SLC39A14: variants seen among roughly 807,000 people sequenced by gnomAD.
The protein encoded by SLC39A14 is metal cation symporter ZIP14.
In SLC39A14, 19 loss-of-function variants were observed where a neutral mutation model predicts 45.5. That is an observed-to-expected ratio of 0.42 (90% CI 0.29 to 0.61). The LOEUF is 0.61. Among genes scored for constraint, SLC39A14 ranks in the 20% least tolerant of loss-of-function variants. The pLI is 0.22. For missense variants in SLC39A14, 447 were observed against 616.5 expected, an observed-to-expected ratio of 0.73 and a Z score of 2.91; for synonymous variants, 264 against 251.3, an observed-to-expected ratio of 1.05 and a Z score of -0.48.
At chr8:22,384,460 C>A (rs1453344933) in intron 1 of SLC39A14, among the ~76,000 whole-genome samples, 2 of 149,614 alleles carry the variant, frequency 1.3e-5, no homozygotes, top group Admixed American at 6.6e-5. Context: ...AAAAAAAAAA[C>A]AACTCTGGCG....
chr8:22,395,521 T>C (rs531392888), intron 1 of SLC39A14, among the ~76,000 whole-genome samples: 1 of 152,334 alleles, frequency 6.6e-6, no homozygotes, highest in African/African-American at 2.4e-5. Context: ...CAAAGTCTGA[T>C]TGCAAAAATT....
At chr8:22,425,650 C>A (rs1322200003), downstream of SLC39A14, among the ~76,000 whole-genome samples, 1 of 151,668 alleles carries the variant, frequency 6.6e-6, no homozygotes, top group Non-Finnish European at 1.5e-5. Flanking sequence ...AGTTGTATTT[C>A]TTTTCAGCAG....
intron 1 of SLC39A14, among the ~76,000 whole-genome samples, chr8:22,372,427 A>G (rs1832986504): frequency 6.6e-6 from 1 of 152,186 alleles, no homozygotes. Context: ...ATTCTCTGTC[A>G]TAGCTGTGTA....
At chr8:22,423,267 C>G (rs1483816786), downstream of SLC39A14, among the ~76,000 whole-genome samples, 3 of 152,104 alleles carry the variant, frequency 2.0e-5, no homozygotes, top group East Asian at 1.9e-4. Flanking sequence ...CCTCAGCTTC[C>G]TAAGTAGCTT....
chr8:22,373,439 G>C (rs1833040653), intron 1 of SLC39A14, among the ~76,000 whole-genome samples: 1 of 152,020 alleles, frequency 6.6e-6, no homozygotes. Context: ...TAAGAAGTCA[G>C]TTAAAAGTTC....
At position 22,386,267 on chromosome 8, in the gene SLC39A14, CTTTTTTT is replaced by C. The variant is rs113517662; in HGVS notation, c.-15-18418_-15-18412del. 3.0e-5 allele frequency among the ~76,000 whole-genome samples: 4 copies of C among 131,988 alleles called. No homozygotes were observed. In the East Asian group the frequency reaches 6.8e-4, roughly 23 times the overall value. 86.6% of individuals were successfully genotyped at this position (131,988 alleles called of 152,430 possible). On this transcript the variant is annotated intron_variant, in intron 1 of 8. Transcript: ENST00000381237. ...ACGAATATGTACTTTAGAAGGATGA[CTTTTTTT>C]TTTTTTTTTTGAAATGGAGTTTTGC...
In SLC39A14 at chr8:22,420,433, C is replaced by T. The variant is rs554727325; in HGVS notation, c.*735C>T. Reference sequence around the variant, plus strand: ...AACGTGGCGGTGTGGCTGCCTGGACCTCCTCTTTCAGGTTAACGCTGACAG... The same window carrying T: ...AACGTGGCGGTGTGGCTGCCTGGACTTCCTCTTTCAGGTTAACGCTGACAG... On this transcript the variant is annotated 3_prime_UTR_variant, in exon 9 of 9. Transcript: ENST00000381237. 5 of 985,434 alleles carry T rather than the reference C, an allele frequency of 5.1e-6. No homozygotes were observed. The African/African-American group carries it at 8.7e-5, about 17-fold the overall frequency. The allele number at this position is 985,434 out of a possible 1,614,324, so 61.0% of individuals were successfully genotyped here. A position where few individuals can be genotyped will look rare whatever the true frequency, so the allele number is the denominator to read the frequency against.
chr8:22,383,744 C>T (rs144903249), intron 1 of SLC39A14, among the ~76,000 whole-genome samples: 4 of 152,276 alleles, frequency 2.6e-5, no homozygotes, highest in African/African-American at 7.2e-5. Context: ...TCACTGAGGG[C>T]GCGTCCTGTG....
rs1836297554 is a variant in SLC39A14, at chr8:22,422,720, T to TAATG, written c.*3025_*3028dup. ...TGATCATTTGCAATAAATGTGGATG[T>TAATG]AATGAAGGCTGTTGAACACAAGGTG... On this transcript the variant is annotated 3_prime_UTR_variant, in exon 9 of 9. Transcript: ENST00000381237. 2.0e-6 allele frequency: 2 copies of TAATG among 985,102 alleles called. No homozygotes were observed. Among genetic ancestry groups the TAATG allele is most frequent in the African/African-American group, 3.5e-5 (2 of 57,242 alleles). The allele number at this position is 985,102 out of a possible 1,614,324, so 61.0% of individuals were successfully genotyped here.
At position 22,396,709 on chromosome 8, in the gene SLC39A14, G is replaced by GTT. The variant is rs112051827; in HGVS notation, c.-15-7977_-15-7976dup. Among the ~76,000 whole-genome samples the GTT allele has an allele frequency of 4.9e-3, 716 of 144,788 alleles. 4 individuals are homozygous for GTT. The highest frequency in any genetic ancestry group is 8.0e-3 in the Non-Finnish European group (528 of 65,954). The allele number at this position is 144,788 out of a possible 152,430, so 95.0% of individuals were successfully genotyped here. A position where few individuals can be genotyped will look rare whatever the true frequency, so the allele number is the denominator to read the frequency against. On this transcript the variant is annotated intron_variant, in intron 1 of 8. Coordinates refer to ENST00000381237, the MANE Select transcript of SLC39A14 (RefSeq NM_001128431.4). ...CCATTGTTTTTGGTCCAGGTGCACCGTTTTTTTTTTTGCTCTTCCCCGGTA... is the reference window on the plus strand; with the variant it reads ...CCATTGTTTTTGGTCCAGGTGCACCGTTTTTTTTTTTTTGCTCTTCCCCGGTA...
At chr8:22,427,098 G>C (rs1017120478), downstream of SLC39A14, among the ~76,000 whole-genome samples, 1 of 151,910 alleles carries the variant, frequency 6.6e-6, no homozygotes, top group Non-Finnish European at 1.5e-5. Flanking sequence ...TTTGAGACCA[G>C]CCTGGCCAAC....
intron 8 of SLC39A14, among the ~76,000 whole-genome samples, chr8:22,431,326 A>G (rs1836463917): frequency 6.6e-6 from 1 of 152,172 alleles, no homozygotes; most frequent in Admixed American, 6.6e-5. Context: ...ATTATACATT[A>G]TAATATACCT....
Position 22,416,169 on chromosome 8 carries a change from C to G in SLC39A14, c.1036C>G (p.Leu346Val). 6.2e-7 allele frequency: 1 copy of G among 1,614,118 alleles called. No individual in the cohort carries two copies. Among genetic ancestry groups the G allele is most frequent in the East Asian group, 2.2e-5 (1 of 44,878 alleles). The change falls in exon 7 of 9, where the codon CTC (leucine) becomes GTC (valine). Residue 346 changes from leucine to valine, a missense_variant. Physicochemically the swap from Leu to Val is conservative, Grantham distance 32. Coordinates refer to ENST00000381237, the MANE Select transcript of SLC39A14 (RefSeq NM_001128431.4). The part of the protein sequence containing the change: ...LAWMITLSDG[L>V]HNFIDGLAIG... The stretch of plus-strand genomic sequence containing the variant: ...CTGGATGATCACTCTGAGCGACGGC[C>G]TCCATAATTTCATCGATGGCCTGGC...
chr8:22,393,378 C>A, intron 1 of SLC39A14: 1 of 311,436 alleles, frequency 3.2e-6, no homozygotes, highest in Non-Finnish European at 4.7e-6. Flanking sequence ...CCTAGGTCAG[C>A]TTGTCTGAGG....
In SLC39A14 at chr8:22,375,026, G is replaced by A. The variant is rs918277908; in HGVS notation, c.-16+7618G>A. ...CTCCCAGAGTGCTGGGATTACAGGCGTGAGCCACCGCGCCTGGCCAGCCTG... is the reference window on the plus strand; with the variant it reads ...CTCCCAGAGTGCTGGGATTACAGGCATGAGCCACCGCGCCTGGCCAGCCTG... On this transcript the variant is annotated intron_variant, in intron 1 of 8. Transcript: ENST00000381237. Among the ~76,000 whole-genome samples the A allele has an allele frequency of 3.3e-5, 5 of 151,980 alleles. No individual in the cohort carries two copies. In the South Asian group the frequency reaches 8.3e-4, roughly 25 times the overall value.
chr8:22,404,470 T>C, intron 1 of SLC39A14: 1 of 345,416 alleles, frequency 2.9e-6, no homozygotes. Flanking sequence ...TTGTTTTTTT[T>C]TTTTTCATTT....
chr8:22,428,135 GA>G (rs1836414922), intron 8 of SLC39A14, among the ~76,000 whole-genome samples: 1 of 151,896 alleles, frequency 6.6e-6, no homozygotes, highest in African/African-American at 2.4e-5. Context: ...CCCTGTCTAC[GA>G]AAAATACAAA....
intron 1 of SLC39A14, among the ~76,000 whole-genome samples, chr8:22,381,993 T>C (rs1833539341): frequency 6.6e-6 from 1 of 151,846 alleles, no homozygotes; most frequent in South Asian, 2.1e-4. Context: ...ATACAAAAAT[T>C]AGCCAGGTGT....
Position 22,421,951 on chromosome 8 carries a change from T to G in SLC39A14, c.*2253T>G, listed in dbSNP as rs1434522999. On this transcript the variant is annotated 3_prime_UTR_variant, in exon 9 of 9. Transcript: ENST00000381237. ...AGGGAAATCCTCTTTAAACCGTAGT[T>G]GGCGCAGAGGTCAGTCCTAGTCGGA... 3.0e-6 allele frequency: 3 copies of G among 985,322 alleles called. No individual in the cohort carries two copies. The African/African-American group carries it at 5.2e-5, about 17-fold the overall frequency. 61.0% of individuals were successfully genotyped at this position (985,322 alleles called of 1,614,324 possible).
Sources: allele counts gnomAD v4.1 joint callset (sites outside exome capture counted in the v4.1 genomes callset), GRCh38; gene constraint gnomAD v4.1.1; transcripts MANE v1.5; gene names NCBI Gene and HGNC (gene_info 2026-07-23, HGNC 2026-07-21).